Variants in SMYD3 observed in about 807,000 individuals in gnomAD.
SMYD3 encodes the protein SET and MYND domain containing 3.
A neutral mutation model predicts 57.7 loss-of-function variants in SMYD3; 36 were observed. The ratio of observed to expected loss-of-function variants is 0.62; its 90% CI spans 0.48 to 0.82. The LOEUF (loss-of-function observed/expected upper bound fraction) is 0.82. Among genes scored for constraint, SMYD3 ranks in the 40% least tolerant of loss-of-function variants. The pLI is 0.00. For synonymous variants in SMYD3, 211 were observed against 195.0 expected, an observed-to-expected ratio of 1.08 and a Z score of -0.68; for missense variants, 515 against 538.8, an observed-to-expected ratio of 0.96 and a Z score of 0.44.
At chr1:246,033,372 A>G (rs2059712554) in intron 5 of SMYD3, among the ~76,000 whole-genome samples, 1 of 152,246 alleles carries the variant, frequency 6.6e-6, no homozygotes, top group Non-Finnish European at 1.5e-5. Context: ...ACAGATTAGT[A>G]GCTCTACAGG....
intron 5 of SMYD3, among the ~76,000 whole-genome samples, chr1:246,002,718 C>G (rs2059098643): frequency 6.6e-6 from 1 of 151,878 alleles, no homozygotes; most frequent in East Asian, 1.9e-4. Context: ...TCCCAAAGTG[C>G]TGGGATGACA....
chr1:245,795,410 C>G (rs1415385061), intron 10 of SMYD3, among the ~76,000 whole-genome samples: 1 of 152,224 alleles, frequency 6.6e-6, no homozygotes, highest in Non-Finnish European at 1.5e-5. Context: ...TCCCATTTCA[C>G]AGAGTACATA....
intron 10 of SMYD3, among the ~76,000 whole-genome samples, chr1:245,792,778 T>C (rs1489788591): frequency 6.6e-6 from 1 of 152,046 alleles, no homozygotes; most frequent in Non-Finnish European, 1.5e-5. Flanking sequence ...AGGGTTTGGG[T>C]GGACGAAGGG....
intron 1 of SMYD3, among the ~76,000 whole-genome samples, chr1:246,377,033 G>A (rs946927801): frequency 6.6e-6 from 1 of 152,100 alleles, no homozygotes; most frequent in African/African-American, 2.4e-5. Flanking sequence ...CCGAGAGGCA[G>A]AGGTTGCAGT....
intron 5 of SMYD3, among the ~76,000 whole-genome samples, chr1:246,257,219 G>A (rs138071281): frequency 2.5e-4 from 38 of 152,210 alleles, no homozygotes; most frequent in African/African-American, 8.9e-4. Context: ...TTCTTTGTTC[G>A]TTTTCTGCCT....
chr1:246,183,882 G>A (rs1204376094), intron 5 of SMYD3, among the ~76,000 whole-genome samples: 4 of 152,194 alleles, frequency 2.6e-5, no homozygotes, highest in Non-Finnish European at 5.9e-5. Context: ...AGAAACAGCA[G>A]TGTTTACACC....
chr1:245,782,051 C>T (rs2046850758), intron 10 of SMYD3, among the ~76,000 whole-genome samples: 1 of 152,144 alleles, frequency 6.6e-6, no homozygotes, highest in Admixed American at 6.5e-5. Flanking sequence ...TTTCTTTGCT[C>T]AGGCACCCTC....
chr1:245,895,904 A>C (rs2148598721), intron 8 of SMYD3, among the ~76,000 whole-genome samples: 1 of 152,392 alleles, frequency 6.6e-6, no homozygotes, highest in South Asian at 2.1e-4. Context: ...TTTTCTAAAA[A>C]GAAGCTGAAA....
chr1:246,008,657 G>A (rs971481811), intron 5 of SMYD3, among the ~76,000 whole-genome samples: 3 of 152,178 alleles, frequency 2.0e-5, no homozygotes, highest in African/African-American at 7.2e-5. Context: ...ACGCAGGGAG[G>A]GAGCTGTTTA....
chr1:246,230,464 G>C (rs770750632), intron 5 of SMYD3, among the ~76,000 whole-genome samples: 1 of 152,166 alleles, frequency 6.6e-6, no homozygotes, highest in Non-Finnish European at 1.5e-5. Flanking sequence ...CAGGAGTTAG[G>C]CTAGAATGCT....
At chr1:246,294,003 T>C (rs1050709698) in intron 5 of SMYD3, among the ~76,000 whole-genome samples, 2 of 152,214 alleles carry the variant, frequency 1.3e-5, no homozygotes, top group African/African-American at 4.8e-5. Flanking sequence ...TTGGTTTCTA[T>C]GATATCTTTC....
intron 5 of SMYD3, among the ~76,000 whole-genome samples, chr1:246,010,769 T>C (rs2059266864): frequency 6.6e-6 from 1 of 152,216 alleles, no homozygotes; most frequent in Non-Finnish European, 1.5e-5. Context: ...GCATTAGATA[T>C]TAACTATGGC....
In SMYD3 at chr1:245,839,371, G is replaced by T. The variant is rs370936554; in HGVS notation, c.1076+19125C>A. Among the ~76,000 whole-genome samples the T allele has an allele frequency of 6.6e-5, 10 of 151,956 alleles. 1 individual carries two copies. Among genetic ancestry groups the T allele is most frequent in the East Asian group, 3.9e-4 (2 of 5,154 alleles). On this transcript the variant is annotated intron_variant, in intron 10 of 11. Coordinates refer to ENST00000490107, the MANE Select transcript of SMYD3 (RefSeq NM_001167740.2). ...TTTTTAGTAGAGACGGGGTTTCACC[G>T]TGTTAGCCAGGATGGTCTCGATCTC... is the stretch of plus-strand genomic sequence containing the variant.
intron 5 of SMYD3, among the ~76,000 whole-genome samples, chr1:246,288,056 G>A (rs2064606523): frequency 7.8e-6 from 1 of 128,068 alleles, no homozygotes; most frequent in Admixed American, 8.5e-5. Context: ...ATGCCATCAG[G>A]TAATTCTTTT....
rs149098445 is a variant in SMYD3, at chr1:246,040,005, T to A, written c.532-110068A>T. On this transcript the variant is annotated intron_variant, in intron 5 of 11. Transcript: ENST00000490107. The stretch of plus-strand genomic sequence containing the variant: ...CCATTGTCTTAGCGTAAGTTACAGT[T>A]AACGTCCGACATGATCTGTGATGTA... Among the ~76,000 whole-genome samples the A allele has an allele frequency of 3.0e-4, 45 of 152,328 alleles. No individual in the cohort carries two copies. In the East Asian group the frequency reaches 8.5e-3, roughly 29 times the overall value.
chr1:246,265,752 T>C (rs1240809763), intron 5 of SMYD3, among the ~76,000 whole-genome samples: 1 of 152,242 alleles, frequency 6.6e-6, no homozygotes, highest in Non-Finnish European at 1.5e-5. Flanking sequence ...AGCCTTCTCC[T>C]GTGAGAGCAT....
chr1:246,013,509 T>C (rs2148200976), intron 5 of SMYD3, among the ~76,000 whole-genome samples: 1 of 152,316 alleles, frequency 6.6e-6, no homozygotes, highest in South Asian at 2.1e-4. Flanking sequence ...CAGCAGGTAC[T>C]CTGTGGTTTC....
At position 246,055,448 on chromosome 1, in the gene SMYD3, C is replaced by T. The variant is rs189738945; in HGVS notation, c.532-125511G>A. On this transcript the variant is annotated intron_variant, in intron 5 of 11. Coordinates refer to ENST00000490107, the MANE Select transcript of SMYD3 (RefSeq NM_001167740.2). ...CCTAGTCTTTAAAAATAAAAGAAGA[C>T]AAGAAAAAATTTTAAAAAATAATTA... is the stretch of plus-strand genomic sequence containing the variant. Among the ~76,000 whole-genome samples the T allele has an allele frequency of 1.2e-3, 184 of 152,124 alleles. 2 individuals carry two copies. The highest frequency in any genetic ancestry group is 4.1e-3 in the African/African-American group (170 of 41,540).
chr1:246,290,706 A>G, intron 5 of SMYD3, among the ~76,000 whole-genome samples: 1 of 151,884 alleles, frequency 6.6e-6, no homozygotes, highest in East Asian at 1.9e-4. Flanking sequence ...GAACTGAAAA[A>G]CCCTATATTC....
Sources: allele counts gnomAD v4.1 joint callset (sites outside exome capture counted in the v4.1 genomes callset), GRCh38; gene constraint gnomAD v4.1.1; transcripts MANE v1.5; gene names NCBI Gene and HGNC (gene_info 2026-07-23, HGNC 2026-07-21).